GRHL2: variants seen among roughly 807,000 people sequenced by gnomAD.
GRHL2 encodes the protein grainyhead-like protein 2 homolog.
In GRHL2, 21 loss-of-function variants were observed where a neutral mutation model predicts 83.8. The ratio of observed to expected loss-of-function variants is 0.25; its 90% CI spans 0.18 to 0.36. GRHL2 has a LOEUF of 0.36. GRHL2 is among the 10% of genes least tolerant of loss of function. The pLI, the probability that GRHL2 is intolerant of heterozygous loss-of-function variation, is 1.00. For missense variants in GRHL2, 623 were observed against 781.8 expected, an observed-to-expected ratio of 0.80 and a Z score of 2.42; for synonymous variants, 280 against 278.9, an observed-to-expected ratio of 1.00 and a Z score of -0.04.
At chr8:101,674,254 T>G (rs536238675), downstream of GRHL2, among the ~76,000 whole-genome samples, 1 of 152,154 alleles carries the variant, frequency 6.6e-6, no homozygotes, top group South Asian at 2.1e-4. Context: ...CTTCAAAAAA[T>G]TAATGAATCC....
chr8:101,671,136 C>A (rs1048071061), downstream of GRHL2, among the ~76,000 whole-genome samples: 1 of 152,144 alleles, frequency 6.6e-6, no homozygotes, highest in Admixed American at 6.5e-5. Flanking sequence ...TCTGAGGTAC[C>A]GGGTTCATCT....
At chr8:101,577,385 C>T (rs895899611) in intron 6 of GRHL2, 23 bp from the exon 7 acceptor site, 24 of 1,497,894 alleles carry the variant, frequency 1.6e-5, no homozygotes, top group Non-Finnish European at 2.0e-5. Flanking sequence ...AAAAAGTAAG[C>T]TCCACGATTC....
intron 14 of GRHL2, among the ~76,000 whole-genome samples, chr8:101,650,857 A>G (rs1475237702): frequency 4.0e-5 from 6 of 151,462 alleles, no homozygotes. Flanking sequence ...AGAAATTTTT[A>G]AAAACTGTAC....
chr8:101,654,903 C>T (rs1229831467), intron 14 of GRHL2, among the ~76,000 whole-genome samples: 1 of 152,146 alleles, frequency 6.6e-6, no homozygotes, highest in Non-Finnish European at 1.5e-5. Flanking sequence ...AGTCTCCAGG[C>T]CAGGGGTAGT....
intron 4 of GRHL2, among the ~76,000 whole-genome samples, chr8:101,565,852 T>C (rs767609346): frequency 2.0e-5 from 3 of 152,228 alleles, no homozygotes; most frequent in Non-Finnish European, 4.4e-5. Flanking sequence ...ACTCCAGGCA[T>C]GTTATTTGTA....
At chr8:101,602,563 CT>C (rs1209763958) in intron 8 of GRHL2, among the ~76,000 whole-genome samples, 9 of 152,098 alleles carry the variant, frequency 5.9e-5, no homozygotes, top group African/African-American at 1.7e-4. Context: ...AGAATTTTAA[CT>C]TTTTTTTGCC....
the GRHL2 span, among the ~76,000 whole-genome samples, chr8:101,680,799 A>T: frequency 7.9e-6 from 1 of 126,940 alleles, no homozygotes; most frequent in Non-Finnish European, 1.6e-5. Flanking sequence ...ACTACATGGA[A>T]ACTGAACAAC....
intron 7 of GRHL2, among the ~76,000 whole-genome samples, chr8:101,593,737 G>A (rs1401129049): frequency 6.6e-6 from 1 of 152,080 alleles, no homozygotes; most frequent in Non-Finnish European, 1.5e-5. Flanking sequence ...CTGGATTAAG[G>A]TGGGCCCTAC....
chr8:101,610,947 G>C (rs1168252281), intron 8 of GRHL2, among the ~76,000 whole-genome samples: 1 of 150,834 alleles, frequency 6.6e-6, no homozygotes, highest in African/African-American at 2.5e-5. Flanking sequence ...CAAACTTTAG[G>C]CTCTTTCGAT....
chr8:101,534,604 C>T (rs1052912872), intron 1 of GRHL2, among the ~76,000 whole-genome samples: 1 of 151,750 alleles, frequency 6.6e-6, no homozygotes, highest in Non-Finnish European at 1.5e-5. Flanking sequence ...CAATGAGGGC[C>T]ATATGGGAGG....
intron 1 of GRHL2, among the ~76,000 whole-genome samples, chr8:101,518,428 A>G (rs1810615783): frequency 6.6e-6 from 1 of 152,122 alleles, no homozygotes; most frequent in Non-Finnish European, 1.5e-5. Context: ...AGGAAAAAAT[A>G]AATAAAATCC....
chr8:101,629,489 C>T (rs1309175074), intron 9 of GRHL2, among the ~76,000 whole-genome samples: 1 of 152,040 alleles, frequency 6.6e-6, no homozygotes, highest in African/African-American at 2.4e-5. Flanking sequence ...ACTGAACCCA[C>T]AGTACCTCTG....
At chr8:101,541,908 C>T (rs1322158702) in intron 1 of GRHL2, among the ~76,000 whole-genome samples, 3 of 152,166 alleles carry the variant, frequency 2.0e-5, no homozygotes, top group Non-Finnish European at 2.9e-5. Flanking sequence ...GTAAATTCCC[C>T]GTATAGACTC....
chr8:101,656,349 C>G (rs559450276), intron 14 of GRHL2, among the ~76,000 whole-genome samples: 2 of 152,204 alleles, frequency 1.3e-5, no homozygotes, highest in Middle Eastern at 3.4e-3. Context: ...TTATAATATC[C>G]CCATGAACAT....
chr8:101,641,950 T>C (rs1319454848), intron 12 of GRHL2, among the ~76,000 whole-genome samples: 1 of 152,212 alleles, frequency 6.6e-6, no homozygotes, highest in Non-Finnish European at 1.5e-5. Flanking sequence ...ATTGATATAC[T>C]GTATTGTTTT....
At chr8:101,559,389 G>GC (rs1456843136) in intron 4 of GRHL2, among the ~76,000 whole-genome samples, 4 of 139,760 alleles carry the variant, frequency 2.9e-5, no homozygotes, top group Non-Finnish European at 6.2e-5. Flanking sequence ...AATTAGCCAG[G>GC]CCTGGTGGCA....
chr8:101,499,453 T>C (rs1390086144), intron 1 of GRHL2, among the ~76,000 whole-genome samples: 1 of 146,416 alleles, frequency 6.8e-6, no homozygotes, highest in Non-Finnish European at 1.5e-5. Flanking sequence ...TTTTTTTTCC[T>C]CCCATATTAA....
In GRHL2 at chr8:101,552,755, G is replaced by A; in HGVS notation, c.257G>A (p.Ser86Asn). Residue 86 changes from serine to asparagine, a missense_variant, in exon 3 of 16, where the codon AGT becomes AAT. Physicochemically the swap from Ser to Asn is conservative, Grantham distance 46. Transcript: ENST00000646743. The stretch of plus-strand genomic sequence containing the variant: ...AGGCTGCTGTCTGTAAGCAAAGCAA[G>A]TGACAGCCAAGAAGACCAGGAGAAA... ...DKRLLSVSKA[S>N]DSQEDQEKRN... 6.2e-7 allele frequency: 1 copy of A among 1,614,114 alleles called. No individual in the cohort carries two copies. Among genetic ancestry groups the A allele is most frequent in the Admixed American group, 1.7e-5 (1 of 60,028 alleles).
In GRHL2 at chr8:101,556,518, G is replaced by T. The variant is rs368767226; in HGVS notation, c.285-1901G>T. ...ATTTTCCATTAATGAGTTCTTATTT[G>T]TTTCTGCTCTCTCCCAGACTTCTTT... On this transcript the variant is annotated intron_variant, in intron 3 of 15. Coordinates refer to ENST00000646743, the MANE Select transcript of GRHL2 (RefSeq NM_024915.4). Among the ~76,000 whole-genome samples the T allele has an allele frequency of 1.2e-4, 19 of 152,112 alleles. 1 individual carries two copies. The East Asian group carries it at 1.5e-3, about 12-fold the overall frequency.
Sources: gnomAD v4.1 joint callset for allele counts (sites outside exome capture counted in the v4.1 genomes callset) on GRCh38, gnomAD v4.1.1 for gene constraint, MANE v1.5 for transcripts, NCBI Gene and HGNC (gene_info 2026-07-23, HGNC 2026-07-21) for gene names.